The following CDC42SE2 variants were observed in gnomAD, a reference collection of about 807,000 sequenced individuals.
CDC42SE2 encodes the protein CDC42 small effector 2.
In CDC42SE2, 3 loss-of-function variants were observed where a neutral mutation model predicts 11.5. The ratio of observed to expected loss-of-function variants is 0.26; its 90% CI spans 0.12 to 0.67. The LOEUF (loss-of-function observed/expected upper bound fraction) is 0.67, where lower values mean the gene tolerates loss of function less well. Among genes scored for constraint, CDC42SE2 ranks in the 30% least tolerant of loss-of-function variants. The pLI, the probability that CDC42SE2 is intolerant of heterozygous loss-of-function variation, is 0.80. For missense variants in CDC42SE2, 82 were observed against 106.8 expected (o/e 0.77, Z 1.02); for synonymous variants, 33 against 34.8 (o/e 0.95, Z 0.18).
At chr5:131,317,169 G>A (rs533757841) in intron 2 of CDC42SE2, among the ~76,000 whole-genome samples, 3 of 152,034 alleles carry the variant, frequency 2.0e-5, no homozygotes, top group South Asian at 4.2e-4. Context: ...AGGATTATGA[G>A]TGAAGTTTGT....
intron 3 of CDC42SE2, among the ~76,000 whole-genome samples, chr5:131,373,429 T>G (rs2149781499): frequency 6.6e-6 from 1 of 152,298 alleles, no homozygotes; most frequent in East Asian, 1.9e-4. Flanking sequence ...TTAGAATGCC[T>G]GCAGCTAGAT....
chr5:131,313,439 T>A (rs1441576580), intron 1 of CDC42SE2, among the ~76,000 whole-genome samples: 3 of 152,244 alleles, frequency 2.0e-5, no homozygotes, highest in Non-Finnish European at 2.9e-5. Flanking sequence ...AGTTTACTAA[T>A]CTTTGCCCAA....
At chr5:131,295,987 C>G (rs1473857816) in intron 1 of CDC42SE2, among the ~76,000 whole-genome samples, 3 of 152,054 alleles carry the variant, frequency 2.0e-5, no homozygotes, top group African/African-American at 7.2e-5. Context: ...ACCCGGCCAA[C>G]ACATTTCTTT....
chr5:131,268,640 C>CG (rs1756923939), intron 1 of CDC42SE2, among the ~76,000 whole-genome samples: 1 of 150,994 alleles, frequency 6.6e-6, no homozygotes. Context: ...TTAGTAGAGA[C>CG]GGGGTTTCTC....
In CDC42SE2 at chr5:131,311,095, A is replaced by G. The variant is rs546074505; in HGVS notation, c.-454-4881A>G. On this transcript the variant is annotated intron_variant, in intron 1 of 4. Coordinates refer to ENST00000505065, the MANE Select transcript of CDC42SE2 (RefSeq NM_001375635.1). ...CGGCTGGTACCAGTTTTTCCTTTCC[A>G]TGTTTAGTGCTTCCTTCAGGAGCTC... Among the ~76,000 whole-genome samples, 489 of 151,194 alleles carry G rather than the reference A, an allele frequency of 3.2e-3. 4 individuals carry two copies. Among genetic ancestry groups the G allele is most frequent in the African/African-American group, 0.011 (469 of 41,074 alleles).
intron 2 of CDC42SE2, among the ~76,000 whole-genome samples, chr5:131,333,946 A>G (rs563803454): frequency 1.1e-4 from 16 of 152,210 alleles, no homozygotes; most frequent in Middle Eastern, 3.4e-3. Flanking sequence ...CTGATTGAAT[A>G]CCCTTTATTC....
chr5:131,249,014 C>CTTTTTTTT (rs35929101), intron 1 of CDC42SE2, among the ~76,000 whole-genome samples: 2 of 116,092 alleles, frequency 1.7e-5, no homozygotes, highest in African/African-American at 3.3e-5. Context: ...CAGGTTACAT[C>CTTTTTTTT]TTTTTTTTTT....
chr5:131,210,352 C>G, the CDC42SE2 span, among the ~76,000 whole-genome samples: 2 of 152,198 alleles, frequency 1.3e-5, no homozygotes, highest in African/African-American at 2.4e-5. Flanking sequence ...TCACTTTACA[C>G]TAAATGCTTA....
chr5:131,378,677 TTTTA>T (rs1561435661), intron 3 of CDC42SE2, among the ~76,000 whole-genome samples: 2 of 152,326 alleles, frequency 1.3e-5, no homozygotes, highest in South Asian at 4.1e-4. Flanking sequence ...TGAAAAATAT[TTTTA>T]TTTAATTCTT....
intron 2 of CDC42SE2, among the ~76,000 whole-genome samples, chr5:131,316,785 A>G (rs530101298): frequency 1.6e-4 from 25 of 152,320 alleles, no homozygotes; most frequent in African/African-American, 6.0e-4. Context: ...TACCATGCCT[A>G]TAGCCTCTCT....
rs534884938 is a variant in CDC42SE2 at position 131,292,615 on chromosome 5, AG to A, written c.-454-23358del. Among the ~76,000 whole-genome samples, 610 of 146,788 alleles carry A rather than the reference AG, an allele frequency of 4.2e-3. 4 individuals are homozygous for A. Among genetic ancestry groups the A allele is most frequent in the African/African-American group, 0.013 (528 of 39,702 alleles). On this transcript the variant is annotated intron_variant, in intron 1 of 4. Coordinates refer to ENST00000505065, the MANE Select transcript of CDC42SE2 (RefSeq NM_001375635.1). ...CTTGGTAATTTAAAAGTACACAGTT[AG>A]GGCTGGGTGTGGTGGCTTGTGCCTG...
intron 1 of CDC42SE2, among the ~76,000 whole-genome samples, chr5:131,310,444 C>T (rs567789190): frequency 6.6e-6 from 1 of 152,070 alleles, no homozygotes; most frequent in East Asian, 1.9e-4. Flanking sequence ...GTGGAGAGTT[C>T]TGTAGATGTC....
intron 2 of CDC42SE2, among the ~76,000 whole-genome samples, chr5:131,332,730 AT>A (rs575152236): frequency 1.3e-5 from 2 of 152,034 alleles, no homozygotes; most frequent in Non-Finnish European, 2.9e-5. Flanking sequence ...GATGATGAGC[AT>A]TTTTTCATGT....
intron 2 of CDC42SE2, among the ~76,000 whole-genome samples, chr5:131,352,813 G>T (rs1274580059): frequency 6.6e-6 from 1 of 152,188 alleles, no homozygotes; most frequent in Non-Finnish European, 1.5e-5. Flanking sequence ...ATTTCTGACA[G>T]AAACCTCTTT....
upstream of CDC42SE2, among the ~76,000 whole-genome samples, chr5:131,242,033 G>T (rs1177700971): frequency 2.0e-5 from 3 of 152,066 alleles, no homozygotes; most frequent in Non-Finnish European, 2.9e-5. Flanking sequence ...TAATAGTATT[G>T]CTATTCATTT....
intron 1 of CDC42SE2, among the ~76,000 whole-genome samples, chr5:131,314,955 T>C (rs1758008723): frequency 6.6e-6 from 1 of 152,222 alleles, no homozygotes. Context: ...TTGCTGTTTG[T>C]TTTTATGACT....
chr5:131,383,604 C>T (rs1002246674), intron 3 of CDC42SE2, among the ~76,000 whole-genome samples: 1 of 152,006 alleles, frequency 6.6e-6, no homozygotes, highest in East Asian at 1.9e-4. Context: ...TGAAAAATAA[C>T]CATAATGGAA....
chr5:131,294,067 T>G (rs1375525459), intron 1 of CDC42SE2, among the ~76,000 whole-genome samples: 1 of 152,198 alleles, frequency 6.6e-6, no homozygotes, highest in African/African-American at 2.4e-5. Context: ...AATTGTGTGT[T>G]AATGATATTG....
the CDC42SE2 span, among the ~76,000 whole-genome samples, chr5:131,225,044 G>A: frequency 9.2e-5 from 14 of 152,062 alleles, no homozygotes; most frequent in South Asian, 2.1e-4. Flanking sequence ...AGCAGTGGCC[G>A]CCGTGTGAAC....
Sources: gnomAD v4.1 joint callset for allele counts (sites outside exome capture counted in the v4.1 genomes callset) on GRCh38, gnomAD v4.1.1 for gene constraint, MANE v1.5 for transcripts, NCBI Gene and HGNC (gene_info 2026-07-23, HGNC 2026-07-21) for gene names.